The following SEC63 variants were observed in gnomAD, a reference collection of about 807,000 sequenced individuals.
The protein encoded by SEC63 is SEC63 protein translocation regulator, also known as translocation protein SEC63 homolog.
In SEC63, 56 loss-of-function variants were observed where a neutral mutation model predicts 116.2. The observed-to-expected ratio is 0.48, with a 90% CI of 0.39 to 0.60. The LOEUF is 0.60. SEC63 is among the 20% of genes least tolerant of loss of function. SEC63 has a pLI of 0.00. For missense variants in SEC63, 668 were observed against 900.0 expected, an observed-to-expected ratio of 0.74 and a Z score of 3.30; for synonymous variants, 273 against 294.6, an observed-to-expected ratio of 0.93 and a Z score of 0.75.
At chr6:107,887,708 C>A (rs1388048294) in intron 16 of SEC63, among the ~76,000 whole-genome samples, 1 of 151,648 alleles carries the variant, frequency 6.6e-6, no homozygotes, top group African/African-American at 2.4e-5. Flanking sequence ...TGTAACTAAC[C>A]CGCACAATGT....
chr6:107,922,092 AAC>A (rs1475949389), intron 3 of SEC63, among the ~76,000 whole-genome samples, 183 bp from the exon 4 acceptor site: 1 of 152,220 alleles, frequency 6.6e-6, no homozygotes, highest in Non-Finnish European at 1.5e-5. Context: ...ATTAAATAAA[AAC>A]ACTTATATTG....
intron 1 of SEC63, among the ~76,000 whole-genome samples, chr6:107,933,669 T>TCTGCCC (rs747918203): frequency 0.045 from 6,657 of 148,178 alleles, 359 homozygotes; most frequent in African/African-American, 0.12. Context: ...TGCCTCTGCC[T>TCTGCCC]CTGCCCCTGC....
intron 7 of SEC63, 94 bp downstream of exon 7, chr6:107,911,252 T>G: frequency 1.2e-6 from 1 of 849,774 alleles, no homozygotes; most frequent in South Asian, 1.4e-5. Context: ...CAATGGGTTA[T>G]ATTCTAACAT....
intron 3 of SEC63, 74 bp downstream of exon 3, chr6:107,924,744 C>A: frequency 2.6e-6 from 2 of 767,736 alleles, no homozygotes; most frequent in Non-Finnish European, 4.7e-6. Context: ...TAGACAATTT[C>A]TTTTAGAATG....
intron 14 of SEC63, among the ~76,000 whole-genome samples, chr6:107,895,730 T>C (rs926929872): frequency 6.7e-6 from 1 of 148,880 alleles, no homozygotes; most frequent in South Asian, 2.1e-4. Context: ...ATATAAATAA[T>C]AGAAACTGAA....
In SEC63 at chr6:107,871,295, T is replaced by C. The variant is rs1786128103; in HGVS notation, c.*409A>G. On this transcript the variant is annotated 3_prime_UTR_variant, in exon 21 of 21. Transcript: ENST00000369002. ...AGCGATGTTACTTAAACTTGAGCGA[T>C]GTTACTTAAAACATATTTGTGGTGT... 1.1e-5 allele frequency: 2 copies of C among 190,124 alleles called. No individual in the cohort carries two copies. The highest frequency in any genetic ancestry group is 2.0e-4 in the South Asian group (2 of 9,906). 11.8% of individuals were successfully genotyped at this position (190,124 alleles called of 1,614,324 possible).
At chr6:107,886,894 C>T (rs779176635) in intron 16 of SEC63, among the ~76,000 whole-genome samples, 5 of 143,022 alleles carry the variant, frequency 3.5e-5, no homozygotes, top group Non-Finnish European at 4.5e-5. Context: ...TCAATCAGAT[C>T]CCATCTGTCT....
At chr6:107,897,861 G>GT in intron 13 of SEC63, 130 bp from the exon 14 acceptor site, 1 of 692,286 alleles carries the variant, frequency 1.4e-6, no homozygotes, top group East Asian at 2.7e-5. Context: ...TTTTAAATTT[G>GT]TTAAAAAAAT....
At chr6:107,920,425 CAAAAAAAAAAAAAA>C (rs34816965) in intron 4 of SEC63, among the ~76,000 whole-genome samples, 1 of 73,392 alleles carries the variant, frequency 1.4e-5, no homozygotes, top group Non-Finnish European at 2.4e-5. Flanking sequence ...GACTCCGTCT[CAAAAAAAAAAAAAA>C]AAAAAAAAAA....
At chr6:107,931,626 G>A (rs866313312) in intron 1 of SEC63, among the ~76,000 whole-genome samples, 2 of 150,444 alleles carry the variant, frequency 1.3e-5, no homozygotes, top group Middle Eastern at 3.2e-3. Flanking sequence ...GCACGTGCCT[G>A]TAGTCCCAGC....
intron 12 of SEC63, 35 bp downstream of exon 12, chr6:107,902,809 T>C: frequency 6.2e-7 from 1 of 1,600,434 alleles, no homozygotes; most frequent in Admixed American, 1.7e-5. Flanking sequence ...CAGGACAAAC[T>C]GCTGAAAACT....
chr6:107,874,959 C>G (rs1031929361), intron 19 of SEC63, among the ~76,000 whole-genome samples: 17 of 152,170 alleles, frequency 1.1e-4, no homozygotes, highest in Non-Finnish European at 2.2e-4. Flanking sequence ...ATAATTATGC[C>G]ACATCAATGT....
Position 107,893,912 on chromosome 6 carries a change from G to T in SEC63, c.1441-15C>A. 1 of 1,613,488 alleles carries T rather than the reference G, an allele frequency of 6.2e-7. No homozygotes were observed. The highest frequency in any genetic ancestry group is 2.2e-5 in the East Asian group (1 of 44,866). ...TCAAATACTTCCTGGGGGGCGGCAA[G>T]AAGAGAAATACAAAATCTGTCAACC... On this transcript the variant is annotated splice_polypyrimidine_tract_variant and intron_variant, in intron 14 of 20. Coordinates refer to ENST00000369002, the MANE Select transcript of SEC63 (RefSeq NM_007214.5).
rs189075903 is a variant in SEC63 at position 107,899,166 on chromosome 6, T to G, written c.1358-1435A>C. On this transcript the variant is annotated intron_variant, in intron 13 of 20. Transcript: ENST00000369002. ...GATTCTATTACAGATTCTAGCAAGG[T>G]AGGGAAGGAGATCCACCATCTCCAG... 7.2e-5 allele frequency among the ~76,000 whole-genome samples: 11 copies of G among 152,306 alleles called. No individual in the cohort carries two copies. The East Asian group carries it at 2.1e-3, about 29-fold the overall frequency.
intron 2 of SEC63, 151 bp from the exon 3 acceptor site, chr6:107,925,083 G>A: frequency 2.9e-6 from 2 of 678,034 alleles, no homozygotes; most frequent in Non-Finnish European, 5.4e-6. Context: ...ACAAACTCCT[G>A]TTACAGCAAC....
chr6:107,911,114 T>G, intron 7 of SEC63: 1 of 540,588 alleles, frequency 1.8e-6, no homozygotes, highest in Non-Finnish European at 3.3e-6. Context: ...TTTTTTCAGT[T>G]GGGGTCTCAC....
At chr6:107,929,263 G>A in intron 2 of SEC63, 152 bp downstream of exon 2, 1 of 589,576 alleles carries the variant, frequency 1.7e-6, no homozygotes, top group Admixed American at 3.0e-5. Context: ...AATCTGTTCA[G>A]ACTGTTCCCA....
rs66526324 is a variant in SEC63, at chr6:107,921,915, G to GAA, written c.340-8_340-7dup. ...ATTTCTGCTACTGTGGCTCCCTGGG[G>GAA]AAAAACAAAAAAAAAAAACAAGCTT... On this transcript the variant is annotated splice_region_variant and splice_polypyrimidine_tract_variant and intron_variant, in intron 3 of 20. Coordinates refer to ENST00000369002, the MANE Select transcript of SEC63 (RefSeq NM_007214.5). 9.1e-6 allele frequency: 10 copies of GAA among 1,104,688 alleles called. No individual in the cohort carries two copies. Among genetic ancestry groups the GAA allele is most frequent in the African/African-American group, 6.6e-5 (2 of 30,468 alleles). 68.4% of individuals were successfully genotyped at this position (1,104,688 alleles called of 1,614,324 possible).
At chr6:107,893,957 A>T in intron 14 of SEC63, 60 bp from the exon 15 acceptor site, 2 of 1,555,940 alleles carry the variant, frequency 1.3e-6, no homozygotes, top group Non-Finnish European at 1.8e-6. Flanking sequence ...CTTTCAGACA[A>T]ACAAAGCAAT....
Sources: gnomAD v4.1 joint callset for allele counts (sites outside exome capture counted in the v4.1 genomes callset) on GRCh38, gnomAD v4.1.1 for gene constraint, MANE v1.5 for transcripts, NCBI Gene and HGNC (gene_info 2026-07-23, HGNC 2026-07-21) for gene names.